Variants in PCDHGB1 observed in about 807,000 individuals in gnomAD.
PCDHGB1 encodes protocadherin gamma-B1.
A neutral mutation model predicts 56.6 loss-of-function variants in PCDHGB1; 34 were observed. That is an observed-to-expected ratio of 0.60 (90% CI 0.46 to 0.80). PCDHGB1 has a LOEUF of 0.80. PCDHGB1 is among the 30% of genes least tolerant of loss of function. The probability of loss-of-function intolerance (pLI) is 0.00; values close to 1 mark genes in which losing one functional copy is unlikely to be tolerated. For synonymous variants in PCDHGB1, 561 were observed against 505.9 expected (o/e 1.11, Z -1.46); for missense variants, 1,278 against 1,204.6 (o/e 1.06, Z -0.90).
At chr5:141,509,777 G>A (rs1244876699) in intron 3 of PCDHGB1, among the ~76,000 whole-genome samples, 1 of 152,100 alleles carries the variant, frequency 6.6e-6, no homozygotes, top group Non-Finnish European at 1.5e-5. Flanking sequence ...TCTAGTCCCC[G>A]AGATCATCAT....
chr5:141,366,069 G>A (rs544928184), intron 1 of PCDHGB1: 10 of 1,614,216 alleles, frequency 6.2e-6, no homozygotes, highest in Non-Finnish European at 8.5e-6. Context: ...CTGGCGCCTC[G>A]CTCCGCAGAA....
At chr5:141,371,720 C>T in intron 1 of PCDHGB1, 1 of 1,614,070 alleles carries the variant, frequency 6.2e-7, no homozygotes, top group Non-Finnish European at 8.5e-7. Context: ...CTCTGCACAT[C>T]CTTGATGTCA....
In PCDHGB1 at chr5:141,387,872, G is replaced by T. The variant is rs1436610477; in HGVS notation, c.2409+35203G>T. ...TCTCCAGGCTGGTGAGCAAGCTGAG[G>T]AGAGCAAGAGGGATGGGGAGCGGCG... is the stretch of plus-strand genomic sequence containing the variant. On this transcript the variant is annotated intron_variant, in intron 1 of 3. Coordinates refer to ENST00000523390, the MANE Select transcript of PCDHGB1 (RefSeq NM_018922.3). The T allele has an allele frequency of 1.8e-5, 28 of 1,588,586 alleles. No homozygotes were observed. In the Admixed American group the frequency reaches 4.7e-4, roughly 26 times the overall value.
chr5:141,378,596 C>T (rs866872764), intron 1 of PCDHGB1: 2 of 152,150 alleles, frequency 1.3e-5, no homozygotes, highest in Non-Finnish European at 2.9e-5. Context: ...TGTCTGCTTA[C>T]AGGACATATC....
chr5:141,372,601 T>C, intron 1 of PCDHGB1: 1 of 1,614,028 alleles, frequency 6.2e-7, no homozygotes, highest in Non-Finnish European at 8.5e-7. Context: ...TTCAAGACTG[T>C]ACCTGGAGTT....
chr5:141,432,053 C>T lies in PCDHGB1; in HGVS notation c.2410-62754C>T. The T allele has an allele frequency of 6.2e-7, 1 of 1,614,240 alleles. No homozygotes were observed. Among genetic ancestry groups the T allele is most frequent in the South Asian group, 1.1e-5 (1 of 91,082 alleles). ...CGCCACTGACCGGGGAACCCCGCCC[C>T]TATCCACGGAAACTCATATCTCGCT... On this transcript the variant is annotated intron_variant, in intron 1 of 3. Transcript: ENST00000523390. The surrounding 1 kb of genome is among the most constrained non-coding windows in gnomAD (Gnocchi z 6.0).
intron 1 of PCDHGB1, among the ~76,000 whole-genome samples, chr5:141,352,899 G>A (rs993863132): frequency 5.9e-5 from 9 of 152,168 alleles, no homozygotes; most frequent in Non-Finnish European, 1.0e-4. Flanking sequence ...GAGACAGGAG[G>A]ATCGCTTGAG....
intron 1 of PCDHGB1, among the ~76,000 whole-genome samples, chr5:141,460,093 A>T (rs2098981983): frequency 6.6e-6 from 1 of 151,964 alleles, no homozygotes. Flanking sequence ...TAATAATTAT[A>T]CATGTAATTA....
chr5:141,352,247 A>C lies in PCDHGB1; in HGVS notation c.1987A>C (p.Ser663Arg). 1 of 1,614,076 alleles carries C rather than the reference A, an allele frequency of 6.2e-7. No individual in the cohort carries two copies. Among genetic ancestry groups the C allele is most frequent in the Non-Finnish European group, 8.5e-7 (1 of 1,179,904 alleles). ...TATLHLIFAD[S>R]LQEVLPDLSD... The stretch of plus-strand genomic sequence containing the variant: ...CACGCTGCACCTAATCTTCGCGGAT[A>C]GCCTGCAAGAGGTATTGCCAGACCT... Residue 663 changes from serine (S) to arginine (R), a missense_variant, in exon 1 of 4, where the codon AGC becomes CGC. Coordinates refer to ENST00000523390, the MANE Select transcript of PCDHGB1 (RefSeq NM_018922.3).
intron 2 of PCDHGB1, among the ~76,000 whole-genome samples, chr5:141,498,421 A>C (rs1328848787): frequency 6.6e-6 from 1 of 152,016 alleles, no homozygotes; most frequent in Non-Finnish European, 1.5e-5. Flanking sequence ...CTGGCACTGG[A>C]GTGAGGGGAT....
At position 141,352,508 on chromosome 5, in the gene PCDHGB1, C is replaced by G. The variant is rs774085547; in HGVS notation, c.2248C>G (p.Leu750Val). 1.2e-6 allele frequency: 2 copies of G among 1,614,022 alleles called. No individual in the cohort carries two copies. The highest frequency in any genetic ancestry group is 8.5e-7 in the Non-Finnish European group (1 of 1,179,876). The change falls in exon 1 of 4, where the codon CTA becomes GTA. Residue 750 changes from leucine (L) to valine (V), a missense_variant. Coordinates refer to ENST00000523390, the MANE Select transcript of PCDHGB1 (RefSeq NM_018922.3). ...SEGTLPYSYN[L>V]CIASHSAKTE... The stretch of plus-strand genomic sequence containing the variant: ...GGGGACTTTGCCCTATTCCTACAAT[C>G]TATGTATTGCCTCTCATTCTGCAAA...
intron 1 of PCDHGB1, chr5:141,374,128 GCTC>G: frequency 6.2e-7 from 1 of 1,603,488 alleles, no homozygotes; most frequent in Non-Finnish European, 8.5e-7. Flanking sequence ...AGCAGGTCCT[GCTC>G]CTCACGCTCC....
Position 141,384,817 on chromosome 5 carries a change from C to T in PCDHGB1, c.2409+32148C>T, listed in dbSNP as rs373370095. On this transcript the variant is annotated intron_variant, in intron 1 of 3. Coordinates refer to ENST00000523390, the MANE Select transcript of PCDHGB1 (RefSeq NM_018922.3). Reference sequence around the variant, plus strand: ...CCTGCTGGACAGAGATGCCCTCAAGCAGAGCCTCGTGGTGGCCGTCCAGGA... The same window carrying T: ...CCTGCTGGACAGAGATGCCCTCAAGTAGAGCCTCGTGGTGGCCGTCCAGGA... 4.3e-6 allele frequency: 7 copies of T among 1,613,298 alleles called. No homozygotes were observed. In the African/African-American group the frequency reaches 5.3e-5, roughly 12 times the overall value.
intron 1 of PCDHGB1, chr5:141,385,213 C>T (rs1481010729): frequency 1.7e-5 from 28 of 1,614,108 alleles, no homozygotes; most frequent in Non-Finnish European, 2.2e-5. Flanking sequence ...GATCTTCCCC[C>T]AGCCCAACTA....
intron 1 of PCDHGB1, among the ~76,000 whole-genome samples, chr5:141,483,393 C>T (rs1475344614): frequency 6.6e-6 from 1 of 152,080 alleles, no homozygotes; most frequent in Admixed American, 6.5e-5. Flanking sequence ...TTGATAAATG[C>T]TTGAACCAGC....
At chr5:141,384,392 G>A in intron 1 of PCDHGB1, 1 of 1,613,930 alleles carries the variant, frequency 6.2e-7, no homozygotes, top group Non-Finnish European at 8.5e-7. Context: ...ACCATCCAGG[G>A]GGCTCCAGTG....
At chr5:141,415,551 C>T (rs745641887) in intron 1 of PCDHGB1, 1 of 1,614,132 alleles carries the variant, frequency 6.2e-7, no homozygotes, top group South Asian at 1.1e-5. Context: ...GTGAGAAAAA[C>T]GATCCTTTGT....
At chr5:141,359,403 T>A (rs537234206) in intron 1 of PCDHGB1, among the ~76,000 whole-genome samples, 7 of 152,150 alleles carry the variant, frequency 4.6e-5, no homozygotes, top group South Asian at 4.2e-4. Flanking sequence ...TCAAATTTTT[T>A]AAAAAATGTG....
At chr5:141,358,484 A>G (rs1299917904) in intron 1 of PCDHGB1, among the ~76,000 whole-genome samples, 2 of 152,206 alleles carry the variant, frequency 1.3e-5, no homozygotes, top group African/African-American at 4.8e-5. Context: ...TAACTTTTAG[A>G]TATAACTTTA....
Sources: gnomAD v4.1 joint callset for allele counts (sites outside exome capture counted in the v4.1 genomes callset) on GRCh38, gnomAD v4.1.1 for gene constraint, Gnocchi (gnomAD v3.1) non-coding constraint, MANE v1.5 for transcripts, NCBI Gene and HGNC (gene_info 2026-07-23, HGNC 2026-07-21) for gene names.